The following THEMIS variants were observed in gnomAD, a reference collection of about 807,000 sequenced individuals.
THEMIS encodes the protein protein THEMIS.
In THEMIS, 37 loss-of-function variants were observed where a neutral mutation model predicts 52.6. That is an observed-to-expected ratio of 0.70 (90% confidence interval 0.54 to 0.93). The LOEUF (loss-of-function observed/expected upper bound fraction) is 0.93. THEMIS is among the 40% of genes least tolerant of loss of function. THEMIS has a pLI of 0.00. For missense variants in THEMIS, 808 were observed against 763.1 expected (o/e 1.06, Z -0.69); for synonymous variants, 292 against 272.7 (o/e 1.07, Z -0.70).
At chr6:127,884,754 T>G (rs1780594322) in intron 1 of THEMIS, among the ~76,000 whole-genome samples, 1 of 152,160 alleles carries the variant, frequency 6.6e-6, no homozygotes, top group Non-Finnish European at 1.5e-5. Flanking sequence ...TAGGAATTTA[T>G]TTTCTCATAA....
intron 4 of THEMIS, among the ~76,000 whole-genome samples, chr6:127,740,077 C>T (rs1775146132): frequency 6.6e-6 from 1 of 152,066 alleles, no homozygotes; most frequent in Non-Finnish European, 1.5e-5. Flanking sequence ...GAGAAGAGAG[C>T]CCTGGACCTT....
intron 4 of THEMIS, among the ~76,000 whole-genome samples, chr6:127,789,321 C>T (rs1393619889): frequency 6.6e-6 from 1 of 152,024 alleles, no homozygotes; most frequent in Non-Finnish European, 1.5e-5. Context: ...CAAGACTAAA[C>T]CAGGAAGAAG....
intron 5 of THEMIS, among the ~76,000 whole-genome samples, chr6:127,717,745 T>C (rs898212333): frequency 2.0e-5 from 3 of 151,832 alleles, no homozygotes; most frequent in African/African-American, 7.3e-5. Context: ...CCACCCCATG[T>C]AACTGAAAGA....
At chr6:127,818,924 C>A (rs1030325207) in intron 3 of THEMIS, among the ~76,000 whole-genome samples, 1 of 151,612 alleles carries the variant, frequency 6.6e-6, no homozygotes, top group African/African-American at 2.4e-5. Context: ...TCGAGACCAT[C>A]CTGGCTAACA....
intron 2 of THEMIS, among the ~76,000 whole-genome samples, chr6:127,835,293 G>C (rs1416196021): frequency 3.3e-5 from 5 of 152,104 alleles, no homozygotes; most frequent in African/African-American, 7.2e-5. Context: ...TCAGGATAAA[G>C]GGAACACAAC....
intron 1 of THEMIS, among the ~76,000 whole-genome samples, chr6:127,885,431 A>C (rs759485692): frequency 6.6e-6 from 1 of 152,126 alleles, no homozygotes; most frequent in Non-Finnish European, 1.5e-5. Flanking sequence ...CAAACAGTTT[A>C]TGACAGAGCA....
chr6:127,757,594 T>C (rs1418567288), intron 4 of THEMIS, among the ~76,000 whole-genome samples: 1 of 152,164 alleles, frequency 6.6e-6, no homozygotes, highest in East Asian at 1.9e-4. Context: ...GCCATTCTCC[T>C]GCCTCAGCCT....
intron 4 of THEMIS, among the ~76,000 whole-genome samples, chr6:127,733,369 T>C (rs1774876775): frequency 6.6e-6 from 1 of 152,206 alleles, no homozygotes; most frequent in Non-Finnish European, 1.5e-5. Context: ...ATTCTAAAAA[T>C]TGCTTGTCCA....
chr6:127,821,767 G>C (rs939971566), intron 3 of THEMIS, among the ~76,000 whole-genome samples: 2 of 151,926 alleles, frequency 1.3e-5, no homozygotes, highest in African/African-American at 2.4e-5. Flanking sequence ...CTTTAAGCTT[G>C]GTTGGTGATG....
At chr6:127,870,147 G>T (rs1012006269) in intron 1 of THEMIS, among the ~76,000 whole-genome samples, 1 of 152,220 alleles carries the variant, frequency 6.6e-6, no homozygotes, top group African/African-American at 2.4e-5. Context: ...CCACTGAGGT[G>T]ATGTCAGAGG....
intron 1 of THEMIS, among the ~76,000 whole-genome samples, chr6:127,910,638 T>C (rs1288977036): frequency 1.3e-5 from 2 of 152,130 alleles, no homozygotes; most frequent in Non-Finnish European, 2.9e-5. Flanking sequence ...AAAATAATTA[T>C]TTGAGAATAG....
chr6:127,714,640 T>C (rs1424984901), intron 5 of THEMIS, among the ~76,000 whole-genome samples: 8 of 151,880 alleles, frequency 5.3e-5, no homozygotes, highest in Admixed American at 1.3e-4. Context: ...ATTTTAAAGA[T>C]AAGAAAACAA....
chr6:127,742,147 A>G lies in THEMIS; in HGVS notation c.1759-22324T>C, dbSNP rs1775223025. On this transcript the variant is annotated intron_variant, in intron 4 of 5. Coordinates refer to ENST00000368248, the MANE Select transcript of THEMIS (RefSeq NM_001010923.3). ...GCCAACATGGTGAAACCCCGTCTCTATCAAAAAATGCAAAAAGATTAGCTG... is the reference window on the plus strand; with the variant it reads ...GCCAACATGGTGAAACCCCGTCTCTGTCAAAAAATGCAAAAAGATTAGCTG... Among the ~76,000 whole-genome samples the G allele has an allele frequency of 2.6e-5, 4 of 151,864 alleles. No individual in the cohort carries two copies. The South Asian group carries it at 8.3e-4, about 32-fold the overall frequency.
rs113572927 is a variant in THEMIS, at chr6:127,726,396, C to T, written c.1759-6573G>A. 1.1e-3 allele frequency among the ~76,000 whole-genome samples: 167 copies of T among 152,182 alleles called. 1 individual carries two copies. Among genetic ancestry groups the T allele is most frequent in the African/African-American group, 3.8e-3 (158 of 41,542 alleles). On this transcript the variant is annotated intron_variant, in intron 4 of 5. Coordinates refer to ENST00000368248, the MANE Select transcript of THEMIS (RefSeq NM_001010923.3). ...TGGCTGGGACTAGACCCAAGAAAAA[C>T]CACCCTTGCTGTAACTGATTAGAAA...
intron 3 of THEMIS, among the ~76,000 whole-genome samples, chr6:127,828,655 G>A (rs901939637): frequency 6.6e-6 from 1 of 152,122 alleles, no homozygotes; most frequent in Admixed American, 6.5e-5. Flanking sequence ...TATGAAGATT[G>A]CATATTAAAA....
At chr6:127,746,760 T>A (rs1391788801) in intron 4 of THEMIS, among the ~76,000 whole-genome samples, 11 of 76,522 alleles carry the variant, frequency 1.4e-4, no homozygotes, top group African/African-American at 4.9e-4. Context: ...TTATATATTA[T>A]TATATAATTA....
At chr6:127,839,650 G>C in intron 2 of THEMIS, among the ~76,000 whole-genome samples, 1 of 152,048 alleles carries the variant, frequency 6.6e-6, no homozygotes, top group East Asian at 1.9e-4. Context: ...TTACAGGCAT[G>C]AGCCACTATG....
intron 3 of THEMIS, among the ~76,000 whole-genome samples, chr6:127,827,015 C>T (rs1562283552): frequency 1.3e-5 from 2 of 151,766 alleles, no homozygotes; most frequent in South Asian, 2.1e-4. Context: ...TATATTCTCT[C>T]TTATCTCTAT....
At chr6:127,910,253 T>C (rs1197645268) in intron 1 of THEMIS, among the ~76,000 whole-genome samples, 1 of 152,144 alleles carries the variant, frequency 6.6e-6, no homozygotes, top group Admixed American at 6.6e-5. Context: ...ACCTTCTCAG[T>C]GTCTCTTTTT....
Sources: gnomAD v4.1 joint callset for allele counts (sites outside exome capture counted in the v4.1 genomes callset) on GRCh38, gnomAD v4.1.1 for gene constraint, MANE v1.5 for transcripts, NCBI Gene and HGNC (gene_info 2026-07-23, HGNC 2026-07-21) for gene names.